The following ADGRB3 variants were observed in gnomAD, a reference collection of about 807,000 sequenced individuals.
ADGRB3 encodes brain-specific angiogenesis inhibitor 3.
In ADGRB3, 37 loss-of-function variants were observed where a neutral mutation model predicts 193.4. That is an observed-to-expected ratio of 0.19 (90% CI 0.15 to 0.25). ADGRB3 has a LOEUF of 0.25. Among genes scored for constraint, ADGRB3 ranks in the 10% least tolerant of loss-of-function variants. The pLI is 1.00. For synonymous variants in ADGRB3, 690 were observed against 644.2 expected, an observed-to-expected ratio of 1.07 and a Z score of -1.08; for missense variants, 1,637 against 1,852.9, an observed-to-expected ratio of 0.88 and a Z score of 2.14.
intron 3 of ADGRB3, among the ~76,000 whole-genome samples, chr6:68,721,652 AT>A (rs1354415205): frequency 6.9e-5 from 10 of 144,830 alleles, no homozygotes; most frequent in South Asian, 2.1e-4. Context: ...ATATATATAT[AT>A]ATAAATTATC....
At chr6:68,713,118 CTT>C (rs1284230510) in intron 3 of ADGRB3, among the ~76,000 whole-genome samples, 2 of 151,714 alleles carry the variant, frequency 1.3e-5, no homozygotes, top group Non-Finnish European at 2.9e-5. Context: ...TCAGATAAAA[CTT>C]AGGTTTATGA....
chr6:69,336,119 C>T (rs1419234759), intron 24 of ADGRB3, among the ~76,000 whole-genome samples: 1 of 151,756 alleles, frequency 6.6e-6, no homozygotes, highest in Non-Finnish European at 1.5e-5. Context: ...ACTTGTGTCT[C>T]AGGGATTTGT....
intron 13 of ADGRB3, among the ~76,000 whole-genome samples, chr6:69,032,403 T>G (rs1015608917): frequency 8.5e-5 from 13 of 152,184 alleles, no homozygotes; most frequent in African/African-American, 3.1e-4. Context: ...TCTTTTCAAT[T>G]TTGCTCTACA....
At chr6:68,679,730 T>A (rs551441324) in intron 3 of ADGRB3, among the ~76,000 whole-genome samples, 3 of 152,142 alleles carry the variant, frequency 2.0e-5, no homozygotes, top group South Asian at 2.1e-4. Flanking sequence ...TCTTTTTTTT[T>A]AATAGAGAAA....
chr6:69,243,846 A>G (rs1766433783), intron 20 of ADGRB3, among the ~76,000 whole-genome samples: 1 of 152,032 alleles, frequency 6.6e-6, no homozygotes, highest in Non-Finnish European at 1.5e-5. Context: ...AGGTTAAACT[A>G]ACTGGCACAT....
intron 15 of ADGRB3, among the ~76,000 whole-genome samples, chr6:69,051,948 G>A (rs1384885995): frequency 6.6e-6 from 1 of 152,078 alleles, no homozygotes; most frequent in Non-Finnish European, 1.5e-5. Flanking sequence ...AGGCTGGAGT[G>A]CAGTGGCGCG....
At chr6:69,113,791 C>T (rs948840248) in intron 17 of ADGRB3, among the ~76,000 whole-genome samples, 2 of 152,002 alleles carry the variant, frequency 1.3e-5, no homozygotes, top group Non-Finnish European at 2.9e-5. Context: ...TTTATGACTT[C>T]TCTTAATAAT....
intron 10 of ADGRB3, among the ~76,000 whole-genome samples, chr6:68,988,276 A>G (rs1042559533): frequency 2.0e-5 from 3 of 152,184 alleles, no homozygotes; most frequent in African/African-American, 7.2e-5. Flanking sequence ...GAGCCTGAAA[A>G]TAGAGATCAT....
intron 27 of ADGRB3, 62 bp downstream of exon 27, chr6:69,354,390 A>G: frequency 7.2e-7 from 1 of 1,397,316 alleles, no homozygotes; most frequent in South Asian, 1.2e-5. Flanking sequence ...AATAAAAGAA[A>G]TCCTTATGAG....
intron 3 of ADGRB3, among the ~76,000 whole-genome samples, chr6:68,798,648 G>A (rs1251320366): frequency 6.6e-6 from 1 of 152,112 alleles, no homozygotes. Flanking sequence ...AAAACTGCAC[G>A]TTCTGCACGT....
At chr6:68,783,584 A>G (rs552211111) in intron 3 of ADGRB3, among the ~76,000 whole-genome samples, 2 of 151,856 alleles carry the variant, frequency 1.3e-5, no homozygotes, top group South Asian at 2.1e-4. Flanking sequence ...AAGCGTGGCT[A>G]TCTAGCTGAA....
chr6:68,828,436 T>C (rs1350758374), intron 3 of ADGRB3, among the ~76,000 whole-genome samples: 3 of 152,194 alleles, frequency 2.0e-5, no homozygotes, highest in Non-Finnish European at 2.9e-5. Flanking sequence ...ATGGTGATTC[T>C]ATAGCTTTGA....
chr6:68,801,508 C>T (rs113857161), intron 3 of ADGRB3, among the ~76,000 whole-genome samples: 4 of 151,762 alleles, frequency 2.6e-5, no homozygotes, highest in African/African-American at 7.3e-5. Context: ...GTCAACATAG[C>T]GAAACCCCAT....
intron 29 of ADGRB3, among the ~76,000 whole-genome samples, chr6:69,371,165 T>G (rs544938810): frequency 6.6e-6 from 1 of 152,228 alleles, no homozygotes; most frequent in East Asian, 1.9e-4. Context: ...TTTCAGGAAT[T>G]TTTCACTTAA....
intron 26 of ADGRB3, among the ~76,000 whole-genome samples, chr6:69,345,114 G>T (rs1769057665): frequency 6.6e-6 from 1 of 152,038 alleles, no homozygotes; most frequent in Non-Finnish European, 1.5e-5. Flanking sequence ...AATGTTCAAT[G>T]ACCATGATAA....
chr6:69,052,353 ATCT>A (rs1467125711), intron 15 of ADGRB3, among the ~76,000 whole-genome samples: 2 of 152,230 alleles, frequency 1.3e-5, no homozygotes, highest in African/African-American at 2.4e-5. Context: ...AATAGGAAAG[ATCT>A]TCTTATTCAA....
intron 17 of ADGRB3, among the ~76,000 whole-genome samples, chr6:69,095,211 G>A (rs1344038072): frequency 6.6e-6 from 1 of 152,148 alleles, no homozygotes; most frequent in Non-Finnish European, 1.5e-5. Flanking sequence ...GGATTAAATG[G>A]TAGGAATATG....
rs761920954 is a variant in ADGRB3, at chr6:69,388,896, A to G, written c.*5A>G. ...GACTTTCAAACAGAAGTTTAAAAAA[A>G]TCAAAATGGACTAAGGTAGAGACAA... On this transcript the variant is annotated 3_prime_UTR_variant, in exon 32 of 32. Transcript: ENST00000370598. 16 of 1,609,018 alleles carry G rather than the reference A, an allele frequency of 9.9e-6. No individual in the cohort carries two copies. Among genetic ancestry groups the G allele is most frequent in the African/African-American group, 1.3e-5 (1 of 74,636 alleles).
chr6:69,375,892 A>G (rs539767880), intron 30 of ADGRB3, among the ~76,000 whole-genome samples: 17 of 152,050 alleles, frequency 1.1e-4, no homozygotes, highest in Admixed American at 6.5e-5. Context: ...GCAGTGAACC[A>G]AGATCGTGCC....
Sources: allele counts gnomAD v4.1 joint callset (sites outside exome capture counted in the v4.1 genomes callset), GRCh38; gene constraint gnomAD v4.1.1; transcripts MANE v1.5; gene names NCBI Gene and HGNC (gene_info 2026-07-23, HGNC 2026-07-21).